Variants in CADPS observed in about 807,000 individuals in gnomAD.
The protein encoded by CADPS is calcium-dependent secretion activator 1.
Under a neutral mutation model 167.3 loss-of-function variants are expected in CADPS, and 57 were observed. That is an observed-to-expected ratio of 0.34 (90% CI 0.28 to 0.42). The LOEUF is 0.42. CADPS is among the 20% of genes least tolerant of loss of function. CADPS has a pLI of 1.00. For synonymous variants in CADPS, 676 were observed against 635.3 expected (o/e 1.06, Z -0.96); for missense variants, 1,414 against 1,738.1 (o/e 0.81, Z 3.32).
intron 1 of CADPS, among the ~76,000 whole-genome samples, chr3:62,836,684 AT>A (rs1444077613): frequency 1.3e-5 from 2 of 152,142 alleles, no homozygotes; most frequent in Non-Finnish European, 2.9e-5. Context: ...GATACAGGTT[AT>A]TTTTAAAGTA....
In CADPS at chr3:62,777,078, A is replaced by G. The variant is rs370639428; in HGVS notation, c.442-11094T>C. 2.0e-5 allele frequency among the ~76,000 whole-genome samples: 3 copies of G among 152,338 alleles called. No individual in the cohort carries two copies. The East Asian group carries it at 5.8e-4, about 29-fold the overall frequency. On this transcript the variant is annotated intron_variant, in intron 1 of 29. Transcript: ENST00000383710. ...ACAACTATTAAAAATGAAACGACAGATTGTTCCATTTGGCTGGAGCTCAGA... is the reference window on the plus strand; with the variant it reads ...ACAACTATTAAAAATGAAACGACAGGTTGTTCCATTTGGCTGGAGCTCAGA...
At chr3:62,701,963 G>T (rs2081478162) in intron 3 of CADPS, among the ~76,000 whole-genome samples, 1 of 152,094 alleles carries the variant, frequency 6.6e-6, no homozygotes, top group East Asian at 1.9e-4. Flanking sequence ...ATCTCCACAG[G>T]TAGCTACTCT....
chr3:62,563,161 GATATCTGATAACCAGACT>G (rs548718321), intron 9 of CADPS, among the ~76,000 whole-genome samples: 567 of 152,254 alleles, frequency 3.7e-3, no homozygotes, highest in Non-Finnish European at 6.6e-3. Context: ...TGTTTGGGTT[GATATCTGATAACCAGACT>G]ATATCTGATA....
intron 6 of CADPS, among the ~76,000 whole-genome samples, chr3:62,613,981 C>T (rs928809686): frequency 1.3e-5 from 2 of 152,068 alleles, no homozygotes; most frequent in African/African-American, 2.4e-5. Context: ...TCTGCATGAC[C>T]CTGAGAGAGT....
At chr3:62,823,778 G>C (rs1270924342) in intron 1 of CADPS, among the ~76,000 whole-genome samples, 1 of 152,170 alleles carries the variant, frequency 6.6e-6, no homozygotes, top group Non-Finnish European at 1.5e-5. Context: ...CATCCATGAT[G>C]TCTTTGAATA....
At chr3:62,654,533 C>T (rs542667533) in intron 4 of CADPS, among the ~76,000 whole-genome samples, 1 of 152,132 alleles carries the variant, frequency 6.6e-6, no homozygotes, top group Non-Finnish European at 1.5e-5. Context: ...AAGGTGTATA[C>T]AACTTTACAT....
chr3:62,849,122 AT>A (rs982143272), intron 1 of CADPS, among the ~76,000 whole-genome samples: 21 of 151,470 alleles, frequency 1.4e-4, no homozygotes, highest in African/African-American at 4.6e-4. Context: ...CTGTACATTG[AT>A]TTTGTATCCT....
At chr3:62,418,218 G>C (rs1213075273) in intron 28 of CADPS, among the ~76,000 whole-genome samples, 1 of 151,620 alleles carries the variant, frequency 6.6e-6, no homozygotes, top group East Asian at 1.9e-4. Context: ...AATTTCATAT[G>C]TAATAAATTG....
At chr3:62,595,070 T>A (rs930780338) in intron 6 of CADPS, among the ~76,000 whole-genome samples, 2 of 152,188 alleles carry the variant, frequency 1.3e-5, no homozygotes, top group Non-Finnish European at 2.9e-5. Context: ...CTAGTCTCAG[T>A]GTTGCCTTCA....
At chr3:62,622,470 A>T (rs1257584554) in intron 6 of CADPS, among the ~76,000 whole-genome samples, 1 of 152,154 alleles carries the variant, frequency 6.6e-6, no homozygotes, top group Non-Finnish European at 1.5e-5. Flanking sequence ...TTTTCCAGAC[A>T]TGGCAATTGT....
At chr3:62,756,177 C>A (rs2083862902) in intron 2 of CADPS, among the ~76,000 whole-genome samples, 1 of 152,068 alleles carries the variant, frequency 6.6e-6, no homozygotes, top group Non-Finnish European at 1.5e-5. Context: ...CTCAGACTCC[C>A]AAGTAGATGG....
intron 1 of CADPS, among the ~76,000 whole-genome samples, chr3:62,792,522 T>C (rs2093039547): frequency 6.6e-6 from 1 of 152,048 alleles, no homozygotes; most frequent in South Asian, 2.1e-4. Context: ...CTTTTAAATG[T>C]CATGTCCTCT....
chr3:62,476,098 A>T (rs555167866), intron 23 of CADPS, among the ~76,000 whole-genome samples: 1 of 152,194 alleles, frequency 6.6e-6, no homozygotes, highest in East Asian at 1.9e-4. Flanking sequence ...AAGTAACCTG[A>T]TATAGACTAG....
intron 28 of CADPS, among the ~76,000 whole-genome samples, chr3:62,432,872 T>G (rs989210595): frequency 6.6e-6 from 1 of 152,174 alleles, no homozygotes; most frequent in African/African-American, 2.4e-5. Flanking sequence ...CGTCTGCTTA[T>G]TGCTTAGAGA....
At chr3:62,779,400 C>T (rs2091102062) in intron 1 of CADPS, 1 of 466,322 alleles carries the variant, frequency 2.1e-6, no homozygotes, top group Non-Finnish European at 4.2e-6. Context: ...GGAGAGCTGC[C>T]TTTTGAAGCT....
At chr3:62,405,479 C>T (rs182394492) in intron 28 of CADPS, among the ~76,000 whole-genome samples, 114 of 151,856 alleles carry the variant, frequency 7.5e-4, no homozygotes, top group African/African-American at 2.5e-3. Flanking sequence ...ATAACGCAAC[C>T]CCCTGCCGCC....
intron 6 of CADPS, chr3:62,625,774 AG>A (rs2063960481): frequency 6.6e-6 from 1 of 150,874 alleles, no homozygotes; most frequent in African/African-American, 2.5e-5. Flanking sequence ...GCCAAATTCA[AG>A]GGCCATTTTC....
At chr3:62,519,298 A>G (rs1171292119) in intron 13 of CADPS, among the ~76,000 whole-genome samples, 1 of 152,188 alleles carries the variant, frequency 6.6e-6, no homozygotes, top group African/African-American at 2.4e-5. Flanking sequence ...TCTTATTTAT[A>G]GGCCTTCTCA....
At chr3:62,566,010 T>A (rs1370840476) in intron 9 of CADPS, among the ~76,000 whole-genome samples, 1 of 152,236 alleles carries the variant, frequency 6.6e-6, no homozygotes, top group Non-Finnish European at 1.5e-5. Flanking sequence ...TTCGTTGTTT[T>A]AAATCTAATG....
Sources: gnomAD v4.1 joint callset for allele counts (sites outside exome capture counted in the v4.1 genomes callset) on GRCh38, gnomAD v4.1.1 for gene constraint, MANE v1.5 for transcripts, NCBI Gene and HGNC (gene_info 2026-07-23, HGNC 2026-07-21) for gene names.